MMACHC: variants seen among roughly 807,000 people sequenced by gnomAD.
MMACHC encodes metabolism of cobalamin associated C, also known as cyanocobalamin reductase / alkylcobalamin dealkylase.
A neutral mutation model predicts 17.6 loss-of-function variants in MMACHC; 14 were observed. The ratio of observed to expected loss-of-function variants is 0.80; its 90% confidence interval spans 0.53 to 1.25. The LOEUF is 1.25. Among genes scored for constraint, MMACHC ranks in the 50% most tolerant of loss-of-function variants. MMACHC has a pLI of 0.00. For synonymous variants in MMACHC, 151 were observed against 142.1 expected (o/e 1.06, Z -0.45); for missense variants, 392 against 364.5 (o/e 1.08, Z -0.62).
rs1052926803 is a variant in MMACHC at position 45,511,930 on chromosome 1, GTAAGCA to G, written c.*2716_*2721del. ...TTAAGTAACTGCCATCTACCCCTTG[GTAAGCA>G]AAAGGCAGAGTTTGAAATTTTTCAT... is the stretch of plus-strand genomic sequence containing the variant. On this transcript the variant is annotated 3_prime_UTR_variant, in exon 4 of 4. Coordinates refer to ENST00000401061, the MANE Select transcript of MMACHC (RefSeq NM_015506.3). The G allele has an allele frequency of 2.0e-5, 3 of 152,194 alleles. No homozygotes were observed. The highest frequency in any genetic ancestry group is 4.4e-5 in the Non-Finnish European group (3 of 68,094). The allele number at this position is 152,194 out of a possible 1,614,324, so 9.4% of individuals were successfully genotyped here.
At chr1:45,507,275 G>A (rs1411930863) in intron 1 of MMACHC, 81 bp from the exon 2 acceptor site, 2 of 1,359,996 alleles carry the variant, frequency 1.5e-6, no homozygotes, top group Non-Finnish European at 2.1e-6. Context: ...GGGCAAAAGT[G>A]TGAGGCCTGA....
rs869087041 is a variant in MMACHC, at chr1:45,512,069, C to CTTTTTTTTTTTTTTTTTTTTTTTTTT, written c.*2856_*2881dup. ...GCAAGGGGACTAATCTCTTATTTTTCTTTTTTTTTTTTTTTTTTTTTTTTT... is the reference window on the plus strand; with the variant it reads ...GCAAGGGGACTAATCTCTTATTTTTCTTTTTTTTTTTTTTTTTTTTTTTTTTTTTTTTTTTTTTTTTTTTTTTTTTT... On this transcript the variant is annotated 3_prime_UTR_variant, in exon 4 of 4. Transcript: ENST00000401061. 1 of 66,922 alleles carries CTTTTTTTTTTTTTTTTTTTTTTTTTT rather than the reference C, an allele frequency of 1.5e-5. No individual in the cohort carries two copies. The highest frequency in any genetic ancestry group is 2.6e-5 in the Non-Finnish European group (1 of 38,080). The allele number at this position is 66,922 out of a possible 1,614,324, so 4.1% of individuals were successfully genotyped here.
At chr1:45,505,165 C>T (rs1056826356) in intron 1 of MMACHC, among the ~76,000 whole-genome samples, 1 of 146,462 alleles carries the variant, frequency 6.8e-6, no homozygotes, top group African/African-American at 2.5e-5. Context: ...AAGACAGGTT[C>T]TCGCCTGGCG....
At chr1:45,504,466 A>G (rs1486056477) in intron 1 of MMACHC, among the ~76,000 whole-genome samples, 1 of 152,156 alleles carries the variant, frequency 6.6e-6, no homozygotes, top group Non-Finnish European at 1.5e-5. Flanking sequence ...GTAGACTAAT[A>G]TGGTGTTGAC....
chr1:45,504,518 C>A (rs973278765), intron 1 of MMACHC, among the ~76,000 whole-genome samples: 1 of 152,174 alleles, frequency 6.6e-6, no homozygotes, highest in East Asian at 1.9e-4. Context: ...AAAATCCCAT[C>A]CTGGGCAACA....
intron 1 of MMACHC, among the ~76,000 whole-genome samples, chr1:45,505,837 G>A (rs1429762359): frequency 1.3e-5 from 2 of 151,494 alleles, no homozygotes; most frequent in African/African-American, 4.9e-5. Context: ...GGGAGGCGGA[G>A]GTTGCGGTGA....
At chr1:45,504,482 T>C (rs1643588018) in intron 1 of MMACHC, among the ~76,000 whole-genome samples, 1 of 152,144 alleles carries the variant, frequency 6.6e-6, no homozygotes, top group South Asian at 2.1e-4. Context: ...TTGACCGTGG[T>C]AACAAGAAAG....
chr1:45,508,094 G>A, intron 2 of MMACHC, 118 bp from the exon 3 acceptor site: 1 of 1,299,316 alleles, frequency 7.7e-7, no homozygotes, highest in Non-Finnish European at 1.1e-6. Flanking sequence ...TTAAGGTCAT[G>A]TTTTCCCTTC....
rs1274864860 is a variant in MMACHC at position 45,512,761 on chromosome 1, C to T, written c.*3546C>T. ...CTGCCTCCTTCTTAATGCTGAACCTCATCTCCCACAAGGGGGCAGTCTCAG... is the reference window on the plus strand; with the variant it reads ...CTGCCTCCTTCTTAATGCTGAACCTTATCTCCCACAAGGGGGCAGTCTCAG... On this transcript the variant is annotated 3_prime_UTR_variant, in exon 4 of 4. Coordinates refer to ENST00000401061, the MANE Select transcript of MMACHC (RefSeq NM_015506.3). 6.6e-6 allele frequency: 1 copy of T among 152,174 alleles called. No individual in the cohort carries two copies. The highest frequency in any genetic ancestry group is 1.9e-4 in the East Asian group (1 of 5,170). 9.4% of individuals were successfully genotyped at this position (152,174 alleles called of 1,614,324 possible).
chr1:45,508,391 T>C, intron 3 of MMACHC, 27 bp downstream of exon 3: 1 of 1,613,344 alleles, frequency 6.2e-7, no homozygotes. Flanking sequence ...AAATAGAGGC[T>C]GAGATAGACT....
chr1:45,508,262 C>CTGACT lies in MMACHC; in HGVS notation c.327_328insTGACT (p.Asn110Ter), dbSNP rs1643665238. Reference sequence around the variant, plus strand: ...TCATTGCTGACTACGAGGTGCACCCCAACCGACGCCCCAAGATCCTGGCCC... The same window carrying CTGACT: ...TCATTGCTGACTACGAGGTGCACCCCTGACTAACCGACGCCCCAAGATCCTGGCCC... On this transcript the variant is annotated stop_gained and frameshift_variant, in exon 3 of 4. Transcript: ENST00000401061. LOFTEE classifies it high-confidence loss of function. The CTGACT allele has an allele frequency of 2.5e-6, 4 of 1,613,958 alleles. No homozygotes were observed. In the African/African-American group the frequency reaches 4.0e-5, roughly 16 times the overall value.
chr1:45,502,466 G>A (rs1643561033), intron 1 of MMACHC, among the ~76,000 whole-genome samples: 1 of 151,884 alleles, frequency 6.6e-6, no homozygotes, highest in African/African-American at 2.4e-5. Flanking sequence ...TTGAACTCCT[G>A]GCCTCAAGTG....
At chr1:45,502,879 T>C (rs1643566614) in intron 1 of MMACHC, among the ~76,000 whole-genome samples, 1 of 151,634 alleles carries the variant, frequency 6.6e-6, no homozygotes, top group Admixed American at 6.6e-5. Context: ...TAATTTTGTA[T>C]TTTTTTTAGT....
chr1:45,509,015 G>GC lies in MMACHC; in HGVS notation c.649_650insC (p.Glu217AlafsTer28). ...TGTGACACCCCAGGAGCGCTACTCA[G>GC]AAGAGCAGAAGGCCTACTTCTCCAC... On this transcript the variant is annotated frameshift_variant, in exon 4 of 4. Transcript: ENST00000401061. LOFTEE classifies it low-confidence loss of function (END_TRUNC). 1 of 1,614,218 alleles carries GC rather than the reference G, an allele frequency of 6.2e-7. No individual in the cohort carries two copies. Among genetic ancestry groups the GC allele is most frequent in the Non-Finnish European group, 8.5e-7 (1 of 1,180,038 alleles).
At chr1:45,508,587 G>A (rs1035148161) in intron 3 of MMACHC, among the ~76,000 whole-genome samples, 2 of 152,216 alleles carry the variant, frequency 1.3e-5, no homozygotes, top group African/African-American at 4.8e-5. Flanking sequence ...AGGGGGCACA[G>A]CAGTGTTAAG....
chr1:45,506,411 A>C (rs1343316526), intron 1 of MMACHC, among the ~76,000 whole-genome samples: 1 of 152,180 alleles, frequency 6.6e-6, no homozygotes, highest in Non-Finnish European at 1.5e-5. Flanking sequence ...CTATGCCCTC[A>C]TGCACCTCAG....
chr1:45,504,775 G>A (rs1455788030), intron 1 of MMACHC, among the ~76,000 whole-genome samples: 3 of 152,102 alleles, frequency 2.0e-5, no homozygotes, highest in Non-Finnish European at 2.9e-5. Context: ...GGTTAAGTAC[G>A]TTTCTAGCCT....
At position 45,510,076 on chromosome 1, in the gene MMACHC, CA is replaced by C. The variant is rs986671995; in HGVS notation, c.*877del. On this transcript the variant is annotated 3_prime_UTR_variant, in exon 4 of 4. Transcript: ENST00000401061. ...TGGGTGACAGTGTGAGACTCTGTCTCAAAAAAAAAAAAAAAAGTACCTACCT... is the reference window on the plus strand; with the variant it reads ...TGGGTGACAGTGTGAGACTCTGTCTCAAAAAAAAAAAAAAAGTACCTACCT... 7,491 of 103,560 alleles carry C rather than the reference CA, an allele frequency of 0.072. 573 individuals carry two copies. Among genetic ancestry groups the C allele is most frequent in the African/African-American group, 0.22 (6,818 of 30,338 alleles). 6.4% of individuals were successfully genotyped at this position (103,560 alleles called of 1,614,324 possible).
At chr1:45,508,734 T>A in intron 3 of MMACHC, 62 bp from the exon 4 acceptor site, 2 of 1,558,650 alleles carry the variant, frequency 1.3e-6, no homozygotes, top group Non-Finnish European at 1.7e-6. Flanking sequence ...CTTGCAATGA[T>A]GGCAGTTGAC....
Sources: gnomAD v4.1 joint callset for allele counts (sites outside exome capture counted in the v4.1 genomes callset) on GRCh38, gnomAD v4.1.1 for gene constraint, MANE v1.5 for transcripts, NCBI Gene and HGNC (gene_info 2026-07-23, HGNC 2026-07-21) for gene names.